RBFOX1: variants seen among roughly 807,000 people sequenced by gnomAD.
RBFOX1 encodes RNA binding protein fox-1 homolog 1.
RBFOX1 carries 8 observed loss-of-function variants against 57.7 expected under a neutral mutation model. The observed-to-expected ratio is 0.14, with a 90% confidence interval of 0.08 to 0.25. The LOEUF (loss-of-function observed/expected upper bound fraction) is 0.25, where lower values mean the gene tolerates loss of function less well. Ranked by LOEUF, RBFOX1 falls within the 10% of genes least tolerant of loss-of-function variation. RBFOX1 has a pLI of 1.00. For missense variants in RBFOX1, 611 were observed against 548.5 expected (o/e 1.11, Z -1.14); for synonymous variants, 326 against 222.4 (o/e 1.47, Z -4.15).
At chr16:7,154,704 TG>T (rs2076752125) in intron 4 of RBFOX1, among the ~76,000 whole-genome samples, 2 of 77,458 alleles carry the variant, frequency 2.6e-5, no homozygotes, top group Admixed American at 4.0e-4. Context: ...TGTGTGTGTG[TG>T]TGTGTGTGTG....
At chr16:6,724,970 A>G (rs914569566) in intron 3 of RBFOX1, among the ~76,000 whole-genome samples, 1 of 151,008 alleles carries the variant, frequency 6.6e-6, no homozygotes, top group Non-Finnish European at 1.5e-5. Context: ...ATGCAAATGC[A>G]TTACAAATAG....
intron 2 of RBFOX1, among the ~76,000 whole-genome samples, chr16:5,562,733 GT>G (rs1031299854): frequency 2.0e-5 from 3 of 151,986 alleles, no homozygotes; most frequent in East Asian, 1.9e-4. Context: ...CTATATTTTT[GT>G]TTTTTTCTGA....
chr16:6,656,304 C>G (rs969024746), intron 3 of RBFOX1, among the ~76,000 whole-genome samples: 6 of 152,120 alleles, frequency 3.9e-5, no homozygotes, highest in Non-Finnish European at 7.4e-5. Flanking sequence ...TGTCCGGTAT[C>G]TTTTTTAAAA....
chr16:6,783,436 G>C (rs866779863), intron 3 of RBFOX1, among the ~76,000 whole-genome samples: 1 of 104,138 alleles, frequency 9.6e-6, no homozygotes, highest in African/African-American at 3.5e-5. Context: ...TTACCATGAA[G>C]CTTGCAAAAA....
chr16:7,529,238 G>C (rs998533231), intron 5 of RBFOX1, among the ~76,000 whole-genome samples: 1 of 152,172 alleles, frequency 6.6e-6, no homozygotes. Context: ...TCCACCCTGA[G>C]TGACAGAATC....
intron 1 of RBFOX1, among the ~76,000 whole-genome samples, chr16:5,278,439 A>G (rs1040121016): frequency 4.6e-5 from 7 of 152,294 alleles, no homozygotes; most frequent in South Asian, 2.1e-4. Context: ...GCCCATCACT[A>G]TGTACCGGCT....
chr16:5,777,765 A>C (rs1228409149), intron 3 of RBFOX1, among the ~76,000 whole-genome samples: 2 of 152,218 alleles, frequency 1.3e-5, no homozygotes, highest in Non-Finnish European at 2.9e-5. Flanking sequence ...TCTTTAACTT[A>C]CATTTCATTA....
At chr16:6,567,401 G>T (rs1174370976) in intron 2 of RBFOX1, among the ~76,000 whole-genome samples, 1 of 152,122 alleles carries the variant, frequency 6.6e-6, no homozygotes, top group Non-Finnish European at 1.5e-5. Context: ...TGGTCTTTCT[G>T]TCCCTAGATA....
intron 3 of RBFOX1, among the ~76,000 whole-genome samples, chr16:6,699,000 G>A (rs548635453): frequency 6.6e-6 from 1 of 152,276 alleles, no homozygotes; most frequent in East Asian, 1.9e-4. Flanking sequence ...AGAGAATGTG[G>A]CGTTGTTCTT....
chr16:7,448,557 T>C (rs1416459209), intron 4 of RBFOX1, among the ~76,000 whole-genome samples: 2 of 152,144 alleles, frequency 1.3e-5, no homozygotes, highest in African/African-American at 2.4e-5. Flanking sequence ...TATGATTCAG[T>C]TACCTCCAAC....
At chr16:5,607,744 A>G (rs994979232) in intron 3 of RBFOX1, among the ~76,000 whole-genome samples, 3 of 152,122 alleles carry the variant, frequency 2.0e-5, no homozygotes, top group Non-Finnish European at 2.9e-5. Flanking sequence ...TGCCTTTCCA[A>G]TTCCACTGGG....
intron 1 of RBFOX1, among the ~76,000 whole-genome samples, chr16:5,266,553 T>TTTG (rs1286395437): frequency 6.7e-6 from 1 of 149,288 alleles, no homozygotes; most frequent in East Asian, 2.0e-4. Flanking sequence ...GTTCAGTTTT[T>TTTG]TTTTTTTTTT....
intron 2 of RBFOX1, among the ~76,000 whole-genome samples, chr16:6,536,241 G>C (rs910312410): frequency 2.6e-5 from 4 of 152,164 alleles, no homozygotes; most frequent in Non-Finnish European, 4.4e-5. Context: ...TTGGACTTCA[G>C]ATAAATCTCT....
At chr16:6,948,464 C>A (rs896605176) in intron 3 of RBFOX1, among the ~76,000 whole-genome samples, 38 of 133,286 alleles carry the variant, frequency 2.9e-4, no homozygotes, top group Admixed American at 2.1e-3. Flanking sequence ...CTCACTACAA[C>A]CTTTGCCTCC....
At position 6,941,704 on chromosome 16, in the gene RBFOX1, G is replaced by A. The variant is rs117402429; in HGVS notation, c.-15-110353G>A. ...ATAGAGCTGATGGTTAGGAAAGGTG[G>A]ATAGACAGAGAGAGATTGGATTTGG... On this transcript the variant is annotated intron_variant, in intron 3 of 15. Coordinates refer to ENST00000550418, the MANE Select transcript of RBFOX1 (RefSeq NM_018723.4). Among the ~76,000 whole-genome samples, 851 of 152,258 alleles carry A rather than the reference G, an allele frequency of 5.6e-3. 4 individuals carry two copies. Among genetic ancestry groups the A allele is most frequent in the Middle Eastern group, 0.017 (5 of 294 alleles).
intron 2 of RBFOX1, among the ~76,000 whole-genome samples, chr16:6,512,199 G>C (rs1277984351): frequency 6.9e-6 from 1 of 145,646 alleles, no homozygotes; most frequent in African/African-American, 2.5e-5. Flanking sequence ...TCGTAGGATT[G>C]CTTGAGCCCA....
At chr16:7,297,515 A>C (rs2095921664) in intron 4 of RBFOX1, among the ~76,000 whole-genome samples, 1 of 152,206 alleles carries the variant, frequency 6.6e-6, no homozygotes, top group African/African-American at 2.4e-5. Flanking sequence ...ATGGATGCTA[A>C]GGTGCTATGT....
At chr16:7,457,251 C>T (rs182502399) in intron 4 of RBFOX1, among the ~76,000 whole-genome samples, 24 of 152,192 alleles carry the variant, frequency 1.6e-4, no homozygotes, top group Non-Finnish European at 2.6e-4. Context: ...TCCAGATATC[C>T]AGGAGGTCAC....
intron 4 of RBFOX1, among the ~76,000 whole-genome samples, chr16:7,366,258 G>A (rs573873965): frequency 3.8e-4 from 58 of 152,304 alleles, no homozygotes; most frequent in Admixed American, 2.2e-3. Flanking sequence ...TTGTAAATCC[G>A]ATGTTGTTTC....
Sources: allele counts gnomAD v4.1 joint callset (sites outside exome capture counted in the v4.1 genomes callset), GRCh38; gene constraint gnomAD v4.1.1; transcripts MANE v1.5; gene names NCBI Gene and HGNC (gene_info 2026-07-23, HGNC 2026-07-21).